Variants in CDH4 observed in about 807,000 individuals in gnomAD.
CDH4 encodes the protein cadherin 4.
A neutral mutation model predicts 86.0 loss-of-function variants in CDH4; 33 were observed. That is an observed-to-expected ratio of 0.38 (90% CI 0.29 to 0.51). CDH4 has a LOEUF of 0.51. CDH4 is among the 20% of genes least tolerant of loss of function. The pLI, the probability that CDH4 is intolerant of heterozygous loss-of-function variation, is 0.86. For synonymous variants in CDH4, 555 were observed against 549.4 expected, an observed-to-expected ratio of 1.01 and a Z score of -0.14; for missense variants, 1,114 against 1,307.4, an observed-to-expected ratio of 0.85 and a Z score of 2.28.
chr20:61,845,589 G>C (rs953595471), intron 5 of CDH4, among the ~76,000 whole-genome samples: 1 of 152,242 alleles, frequency 6.6e-6, no homozygotes, highest in African/African-American at 2.4e-5. Flanking sequence ...CAAATCACGA[G>C]GGTCACACCC....
chr20:61,580,497 T>A lies in CDH4; in HGVS notation c.170-163066T>A, dbSNP rs190424835. 3.3e-3 allele frequency among the ~76,000 whole-genome samples: 499 copies of A among 151,660 alleles called. 5 individuals carry two copies. Among genetic ancestry groups the A allele is most frequent in the Non-Finnish European group, 3.5e-3 (241 of 67,936 alleles). ...TAAAACCTCTACTTTAAAAAAAAAATTGCATGTGTTTTTTGACACCTTCGT... is the reference window on the plus strand; with the variant it reads ...TAAAACCTCTACTTTAAAAAAAAAAATGCATGTGTTTTTTGACACCTTCGT... On this transcript the variant is annotated intron_variant, in intron 2 of 15. Coordinates refer to ENST00000614565, the MANE Select transcript of CDH4 (RefSeq NM_001794.5).
In CDH4 at chr20:61,824,771, G is replaced by A. The variant is rs116106477; in HGVS notation, c.577-19897G>A. Among the ~76,000 whole-genome samples the A allele has an allele frequency of 3.3e-3, 503 of 152,254 alleles. 4 individuals are homozygous for A. Among genetic ancestry groups the A allele is most frequent in the African/African-American group, 0.011 (477 of 41,560 alleles). ...CCTTTTCATCTGCAGCCTTTTATCC[G>A]CTTAGTCTGTAAAGGAGACACTAAG... On this transcript the variant is annotated intron_variant, in intron 4 of 15. Coordinates refer to ENST00000614565, the MANE Select transcript of CDH4 (RefSeq NM_001794.5).
chr20:61,347,863 C>T (rs185252019), intron 2 of CDH4, among the ~76,000 whole-genome samples: 1 of 152,054 alleles, frequency 6.6e-6, no homozygotes, highest in Non-Finnish European at 1.5e-5. Flanking sequence ...GCGTTTGAAC[C>T]GTGCCTGGAA....
chr20:61,749,873 C>T (rs2088467881), intron 3 of CDH4, among the ~76,000 whole-genome samples: 1 of 152,178 alleles, frequency 6.6e-6, no homozygotes, highest in Admixed American at 6.5e-5. Flanking sequence ...CCAGCCCAGC[C>T]AACGTGGTGA....
chr20:61,767,013 C>T (rs1351487381), intron 3 of CDH4, among the ~76,000 whole-genome samples: 1 of 152,220 alleles, frequency 6.6e-6, no homozygotes, highest in East Asian at 1.9e-4. Context: ...ACAGCTTGGG[C>T]TCCAGTCCTG....
intron 2 of CDH4, among the ~76,000 whole-genome samples, chr20:61,354,096 C>T (rs572169057): frequency 1.3e-5 from 2 of 152,056 alleles, no homozygotes; most frequent in African/African-American, 4.8e-5. Flanking sequence ...TCGAGAACGT[C>T]TAGGGATGTT....
intron 2 of CDH4, among the ~76,000 whole-genome samples, chr20:61,624,848 C>T (rs1431327288): frequency 6.6e-6 from 1 of 152,186 alleles, no homozygotes; most frequent in African/African-American, 2.4e-5. Context: ...CAGACCCGCT[C>T]GGAGAGCCCC....
intron 2 of CDH4, among the ~76,000 whole-genome samples, chr20:61,256,382 T>G (rs2084098042): frequency 6.6e-6 from 1 of 152,234 alleles, no homozygotes; most frequent in Non-Finnish European, 1.5e-5. Flanking sequence ...CCTCTCTTTT[T>G]ATTAATAAAT....
intron 2 of CDH4, among the ~76,000 whole-genome samples, chr20:61,677,099 T>C (rs1054965889): frequency 2.0e-5 from 3 of 152,152 alleles, no homozygotes; most frequent in African/African-American, 7.2e-5. Flanking sequence ...TTACTCCGCA[T>C]GCGGTAGGGA....
At chr20:61,931,166 C>T (rs1456631743) in intron 13 of CDH4, among the ~76,000 whole-genome samples, 1 of 152,230 alleles carries the variant, frequency 6.6e-6, no homozygotes, top group African/African-American at 2.4e-5. Flanking sequence ...CTGGATGAGC[C>T]TGGGATGCCA....
intron 4 of CDH4, among the ~76,000 whole-genome samples, chr20:61,802,166 C>T (rs1344994823): frequency 6.6e-6 from 1 of 152,216 alleles, no homozygotes; most frequent in Admixed American, 6.5e-5. Flanking sequence ...TGGAGCCAGG[C>T]CCAGGCAGAC....
At chr20:61,550,682 A>G (rs557486060) in intron 2 of CDH4, among the ~76,000 whole-genome samples, 2 of 152,202 alleles carry the variant, frequency 1.3e-5, no homozygotes, top group Non-Finnish European at 2.9e-5. Flanking sequence ...CTTGGATGCC[A>G]CAACCTGCAC....
intron 2 of CDH4, among the ~76,000 whole-genome samples, chr20:61,493,947 C>G (rs1401166874): frequency 6.6e-6 from 1 of 152,210 alleles, no homozygotes; most frequent in Non-Finnish European, 1.5e-5. Flanking sequence ...CCCCCACAAA[C>G]CTCCCCCTGA....
intron 9 of CDH4, among the ~76,000 whole-genome samples, chr20:61,921,669 T>C (rs1258564395): frequency 6.6e-6 from 1 of 151,552 alleles, no homozygotes; most frequent in African/African-American, 2.4e-5. Flanking sequence ...GGAGAATCAC[T>C]TGAAGCCAGG....
intron 2 of CDH4, among the ~76,000 whole-genome samples, chr20:61,731,353 C>A (rs2088183753): frequency 6.6e-6 from 1 of 152,188 alleles, no homozygotes; most frequent in East Asian, 1.9e-4. Context: ...CTGACCGCCA[C>A]CCTCCTAGAT....
At chr20:61,421,848 T>C (rs183059856) in intron 2 of CDH4, among the ~76,000 whole-genome samples, 44 of 152,254 alleles carry the variant, frequency 2.9e-4, no homozygotes, top group Non-Finnish European at 5.6e-4. Context: ...ATGAATAGTA[T>C]CGAGTTCTAA....
intron 2 of CDH4, among the ~76,000 whole-genome samples, chr20:61,696,130 C>A (rs1354307094): frequency 6.6e-6 from 1 of 152,224 alleles, no homozygotes; most frequent in Admixed American, 6.5e-5. Context: ...GAGGAAGGGG[C>A]CATGTCTGTG....
chr20:61,527,636 G>A (rs1418673996), intron 2 of CDH4, among the ~76,000 whole-genome samples: 1 of 152,214 alleles, frequency 6.6e-6, no homozygotes, highest in Non-Finnish European at 1.5e-5. Context: ...CTGAAAGTCT[G>A]TTCTGTTCAA....
rs1224017065 is a variant in CDH4 at position 61,283,354 on chromosome 20, G to C, written c.169+28417G>C. ...GTGGCGTGTGTGCGTTTGCACGCGC[G>C]TGCTGTGGCGTGTGTGATGTGTGTG... On this transcript the variant is annotated intron_variant, in intron 2 of 15. Coordinates refer to ENST00000614565, the MANE Select transcript of CDH4 (RefSeq NM_001794.5). Among the ~76,000 whole-genome samples, 5 of 145,538 alleles carry C rather than the reference G, an allele frequency of 3.4e-5. 1 individual carries two copies. The highest frequency in any genetic ancestry group is 1.0e-4 in the African/African-American group (4 of 38,164).
Sources: gnomAD v4.1 joint callset for allele counts (sites outside exome capture counted in the v4.1 genomes callset) on GRCh38, gnomAD v4.1.1 for gene constraint, MANE v1.5 for transcripts, NCBI Gene and HGNC (gene_info 2026-07-23, HGNC 2026-07-21) for gene names.